The following ITGAV variants were observed in gnomAD, a reference collection of about 807,000 sequenced individuals.
ITGAV encodes the protein integrin subunit alpha V, also known as integrin alpha-V.
ITGAV carries 76 observed loss-of-function variants against 143.8 expected under a neutral mutation model. The observed-to-expected ratio is 0.53, with a 90% confidence interval of 0.44 to 0.64. The LOEUF (loss-of-function observed/expected upper bound fraction) is 0.64, where lower values mean the gene tolerates loss of function less well. Among genes scored for constraint, ITGAV ranks in the 30% least tolerant of loss-of-function variants. The probability of loss-of-function intolerance (pLI) is 0.00; values close to 1 mark genes in which losing one functional copy is unlikely to be tolerated. For synonymous variants in ITGAV, 453 were observed against 446.7 expected (o/e 1.01, Z -0.18); for missense variants, 1,193 against 1,274.7 (o/e 0.94, Z 0.98).
rs775092026 is a variant in ITGAV, at chr2:186,636,126, G to T, written c.676G>T (p.Asp226Tyr). 2 of 1,612,668 alleles carry T rather than the reference G, an allele frequency of 1.2e-6. No homozygotes were observed. Among genetic ancestry groups the T allele is most frequent in the African/African-American group, 2.7e-5 (2 of 74,794 alleles). Residue 226 changes from aspartate to tyrosine, a missense_variant, in exon 7 of 30, where the codon GAC becomes TAC. By Grantham distance (160) the Asp-to-Tyr change is radical. Transcript: ENST00000261023. ...AGTGGCAGAAATCGTATCTAAATAC[G>T]ACCCCAATGTTTACAGCATCAAGTA... ...DQVAEIVSKY[D>Y]PNVYSIKYNN...
At chr2:186,625,400 A>C in intron 3 of ITGAV, 73 bp from the exon 4 acceptor site, 1 of 849,862 alleles carries the variant, frequency 1.2e-6, no homozygotes, top group South Asian at 1.5e-5. Context: ...TTATATTCTG[A>C]AGTAGTATAG....
In ITGAV at chr2:186,663,822, G is replaced by T. The variant is rs1482559084; in HGVS notation, c.1912G>T (p.Val638Phe). The T allele has an allele frequency of 6.2e-7, 1 of 1,611,138 alleles. No homozygotes were observed. Among genetic ancestry groups the T allele is most frequent in the African/African-American group, 1.3e-5 (1 of 74,984 alleles). The change falls in exon 19 of 30, where the codon GTT (valine) becomes TTT (phenylalanine). Residue 638 changes from valine to phenylalanine, a missense_variant. Transcript: ENST00000261023. ...EDNVCKPKLE[V>F]SVDSDQKKIY... ...CAATGTCTGTAAACCCAAGCTGGAA[G>T]TTTCTGTAGATAGGTAAGTTTTGCT...
At chr2:186,627,252 GT>G (rs1348728894) in intron 4 of ITGAV, among the ~76,000 whole-genome samples, 2 of 152,158 alleles carry the variant, frequency 1.3e-5, no homozygotes, top group Non-Finnish European at 2.9e-5. Flanking sequence ...TACTTTCACT[GT>G]TTTCAGGATA....
chr2:186,631,672 T>C (rs1461159065), intron 5 of ITGAV, among the ~76,000 whole-genome samples: 2 of 152,178 alleles, frequency 1.3e-5, no homozygotes, highest in East Asian at 3.8e-4. Flanking sequence ...GTGCCTTAAA[T>C]GTATGAAAAC....
intron 16 of ITGAV, among the ~76,000 whole-genome samples, chr2:186,655,410 T>A (rs753033665): frequency 1.3e-4 from 20 of 152,086 alleles, no homozygotes; most frequent in Non-Finnish European, 2.4e-4. Context: ...AAGGGAGCTA[T>A]GGGATGTGTG....
chr2:186,638,413 A>G lies in ITGAV; in HGVS notation c.851A>G (p.Tyr284Cys), dbSNP rs1425871415. The change falls in exon 10 of 30, where the codon TAT (tyrosine) becomes TGT (cysteine). Residue 284 changes from tyrosine (Y) to cysteine (C), a missense_variant. Physicochemically the swap from Tyr to Cys is radical, Grantham distance 194. Coordinates refer to ENST00000261023, the MANE Select transcript of ITGAV (RefSeq NM_002210.5). ...PRAARTLGMV[Y>C]IYDGKNMSSL... ...ACTTCTATTTTTCCTTCACAGGTTTATATTTATGATGGGAAGAACATGTCC... is the reference window on the plus strand; with the variant it reads ...ACTTCTATTTTTCCTTCACAGGTTTGTATTTATGATGGGAAGAACATGTCC... The G allele has an allele frequency of 8.1e-6, 13 of 1,611,728 alleles. No homozygotes were observed. In the Admixed American group the frequency reaches 1.7e-4, roughly 21 times the overall value.
At chr2:186,639,978 T>C (rs1251703571) in intron 10 of ITGAV, among the ~76,000 whole-genome samples, 2 of 152,208 alleles carry the variant, frequency 1.3e-5, no homozygotes, top group African/African-American at 4.8e-5. Context: ...AACACACCTT[T>C]CATTTTCCCA....
rs563779285 is a variant in ITGAV, at chr2:186,598,131, T to C, written c.186-3890T>C. Among the ~76,000 whole-genome samples, 56 of 152,252 alleles carry C rather than the reference T, an allele frequency of 3.7e-4. 1 individual carries two copies. In the South Asian group the frequency reaches 0.011, roughly 31 times the overall value. On this transcript the variant is annotated intron_variant, in intron 1 of 29. Transcript: ENST00000261023. ...TCCCAAGCAAGCACTATTCAAGATA[T>C]TGACCCTCAAAAGCAAACTTACCTG...
chr2:186,590,524 G>GT lies in ITGAV; in HGVS notation c.185+2dup. The GT allele has an allele frequency of 6.2e-7, 1 of 1,609,996 alleles. No homozygotes were observed. Among genetic ancestry groups the GT allele is most frequent in the Non-Finnish European group, 8.5e-7 (1 of 1,178,580 alleles). ...ATTTCTTCGTGCCCAGCGCGTCTTC[G>GT]TAAGTGGCCGCACTTGGAACTGGAG... On this transcript the variant is annotated splice_donor_variant, in intron 1 of 29. Transcript: ENST00000261023. LOFTEE classifies it high-confidence loss of function.
chr2:186,591,953 A>G (rs2105641429), intron 1 of ITGAV, among the ~76,000 whole-genome samples: 1 of 152,248 alleles, frequency 6.6e-6, no homozygotes, highest in South Asian at 2.1e-4. Context: ...TTATCTTTTT[A>G]TTTATTGTTT....
At chr2:186,615,936 G>A (rs10168089) in intron 2 of ITGAV, among the ~76,000 whole-genome samples, 151,528 of 152,290 alleles carry the variant, frequency 0.99, 75,389 homozygotes, top group Middle Eastern at 1. Context: ...TAGCTCTTAC[G>A]TGTAAAAATG....
intron 1 of ITGAV, among the ~76,000 whole-genome samples, chr2:186,594,414 A>G (rs1444712100): frequency 1.3e-5 from 2 of 152,186 alleles, no homozygotes; most frequent in African/African-American, 2.4e-5. Flanking sequence ...AACAGGCAGA[A>G]GCTCCTAGAA....
In ITGAV at chr2:186,680,123, T is replaced by G. The variant is rs1315054249; in HGVS notation, c.*2831T>G. On this transcript the variant is annotated 3_prime_UTR_variant, in exon 30 of 30. Coordinates refer to ENST00000261023, the MANE Select transcript of ITGAV (RefSeq NM_002210.5). ...TTGCAAAATGTAATGATGAGCTTGG[T>G]GGAGAAGAATGAGTCGTTCTTGGAA... 1 of 152,082 alleles carries G rather than the reference T, an allele frequency of 6.6e-6. No homozygotes were observed. Among genetic ancestry groups the G allele is most frequent in the Non-Finnish European group, 1.5e-5 (1 of 67,956 alleles). 9.4% of individuals were successfully genotyped at this position (152,082 alleles called of 1,614,324 possible).
intron 3 of ITGAV, among the ~76,000 whole-genome samples, chr2:186,622,922 C>T (rs572256633): frequency 1.6e-4 from 25 of 152,252 alleles, no homozygotes; most frequent in African/African-American, 5.8e-4. Context: ...GCCACCAGGC[C>T]TGGCTAATTT....
In ITGAV at chr2:186,666,741, C is replaced by T; in HGVS notation, c.2204C>T (p.Ser735Leu). ...CTTCGTTTCAGTGTGCACCAGCAGT[C>T]AGAGATGGATACTTCTGTGAAATTT... The part of the protein sequence containing the change: ...AGLRFSVHQQ[S>L]EMDTSVKFDL... The change falls in exon 22 of 30, where the codon TCA becomes TTA. Residue 735 changes from serine to leucine, a missense_variant. Transcript: ENST00000261023. 6.3e-7 allele frequency: 1 copy of T among 1,586,988 alleles called. No individual in the cohort carries two copies. The highest frequency in any genetic ancestry group is 1.3e-5 in the African/African-American group (1 of 74,168).
intron 18 of ITGAV, among the ~76,000 whole-genome samples, chr2:186,660,228 C>A (rs1404393566): frequency 6.6e-6 from 1 of 152,068 alleles, no homozygotes; most frequent in Non-Finnish European, 1.5e-5. Context: ...ACTCCCCATC[C>A]AATTTCTTTA....
At position 186,645,844 on chromosome 2, in the gene ITGAV, CG is replaced by C. The variant is rs370493944; in HGVS notation, c.1160-841del. Among the ~76,000 whole-genome samples, 445 of 151,550 alleles carry C rather than the reference CG, an allele frequency of 2.9e-3. 4 individuals carry two copies. The highest frequency in any genetic ancestry group is 9.8e-3 in the African/African-American group (406 of 41,334). On this transcript the variant is annotated intron_variant, in intron 12 of 29. Transcript: ENST00000261023. ...AAAATTAGCCGGGCATGGTGGCGGG[CG>C]CCTGTAGTCCTAGCTAATCGGGAGG...
At chr2:186,657,886 G>C (rs1688634168) in intron 17 of ITGAV, among the ~76,000 whole-genome samples, 1 of 151,960 alleles carries the variant, frequency 6.6e-6, no homozygotes, top group South Asian at 2.1e-4. Flanking sequence ...AGCCCAGATG[G>C]TTTTATAGGC....
intron 13 of ITGAV, among the ~76,000 whole-genome samples, chr2:186,648,251 T>C (rs1279001745): frequency 6.6e-6 from 1 of 152,196 alleles, no homozygotes; most frequent in Non-Finnish European, 1.5e-5. Context: ...GTCAAGTGTG[T>C]GCACTTCTTT....
Sources: gnomAD v4.1 joint callset for allele counts (sites outside exome capture counted in the v4.1 genomes callset) on GRCh38, gnomAD v4.1.1 for gene constraint, MANE v1.5 for transcripts, NCBI Gene and HGNC (gene_info 2026-07-23, HGNC 2026-07-21) for gene names.